The following SPICE1 variants were observed in gnomAD, a reference collection of about 807,000 sequenced individuals.
The protein encoded by SPICE1 is spindle and centriole associated protein 1.
In SPICE1, 75 loss-of-function variants were observed where a neutral mutation model predicts 102.7. The ratio of observed to expected loss-of-function variants is 0.73; its 90% confidence interval spans 0.61 to 0.88. The LOEUF is 0.88. Among genes scored for constraint, SPICE1 ranks in the 40% least tolerant of loss-of-function variants. The pLI is 0.00. For missense variants in SPICE1, 979 were observed against 1,020.1 expected (o/e 0.96, Z 0.55); for synonymous variants, 308 against 350.3 (o/e 0.88, Z 1.35).
At chr3:113,471,226 C>T (rs1439178659) in intron 7 of SPICE1, among the ~76,000 whole-genome samples, 1 of 152,122 alleles carries the variant, frequency 6.6e-6, no homozygotes, top group Non-Finnish European at 1.5e-5. Context: ...GTAGGGGAAG[C>T]CTCTTCAGAT....
At chr3:113,470,126 T>C (rs79148677) in intron 7 of SPICE1, among the ~76,000 whole-genome samples, 2,129 of 152,344 alleles carry the variant, frequency 0.014, 44 homozygotes, top group African/African-American at 0.047. Context: ...CATTTGTCTA[T>C]TTCTCAAAGT....
At chr3:113,465,584 G>A in intron 11 of SPICE1, 69 bp downstream of exon 11, 1 of 1,410,974 alleles carries the variant, frequency 7.1e-7, no homozygotes, top group Non-Finnish European at 9.7e-7. Flanking sequence ...AACTCTAAGA[G>A]AATCCAGTAC....
intron 7 of SPICE1, among the ~76,000 whole-genome samples, chr3:113,470,140 A>C (rs572395385): frequency 6.6e-6 from 1 of 152,352 alleles, no homozygotes; most frequent in African/African-American, 2.4e-5. Context: ...TCAAAGTGCT[A>C]AAGTTACAGC....
At position 113,511,949 on chromosome 3, in the gene SPICE1, C is replaced by T. The variant is rs187380355; in HGVS notation, c.-1+2948G>A. On this transcript the variant is annotated intron_variant, in intron 1 of 17. Coordinates refer to ENST00000295872, the MANE Select transcript of SPICE1 (RefSeq NM_144718.4). ...GGAAAACTTTGCCAGAATTGGGTTACCTCTGTTTGCTTTTATATTTCCCAA... is the reference window on the plus strand; with the variant it reads ...GGAAAACTTTGCCAGAATTGGGTTATCTCTGTTTGCTTTTATATTTCCCAA... Among the ~76,000 whole-genome samples, 10 of 152,250 alleles carry T rather than the reference C, an allele frequency of 6.6e-5. No individual in the cohort carries two copies. The East Asian group carries it at 9.6e-4, about 15-fold the overall frequency.
At chr3:113,510,707 G>C (rs534315778) in intron 1 of SPICE1, among the ~76,000 whole-genome samples, 11 of 152,164 alleles carry the variant, frequency 7.2e-5, no homozygotes, top group African/African-American at 2.7e-4. Flanking sequence ...ATACACACAG[G>C]CAAAGATTTC....
chr3:113,477,118 G>T (rs1352241840), intron 7 of SPICE1, among the ~76,000 whole-genome samples: 4 of 152,008 alleles, frequency 2.6e-5, no homozygotes, highest in African/African-American at 9.7e-5. Context: ...TCAAAAAGTG[G>T]GCAAAGGACA....
intron 2 of SPICE1, among the ~76,000 whole-genome samples, chr3:113,504,571 C>CAAAAAAAAAAAAAAA (rs71633321): frequency 1.3e-4 from 9 of 67,856 alleles, no homozygotes; most frequent in Non-Finnish European, 1.8e-4. Context: ...GACCTTGTCT[C>CAAAAAAAAAAAAAAA]AAAAAAAAAA....
At chr3:113,475,153 C>A (rs1162104146) in intron 7 of SPICE1, among the ~76,000 whole-genome samples, 1 of 152,206 alleles carries the variant, frequency 6.6e-6, no homozygotes. Flanking sequence ...ATACTACAAA[C>A]ACCTCTACGC....
intron 11 of SPICE1, among the ~76,000 whole-genome samples, chr3:113,462,351 G>T (rs1291054199): frequency 1.3e-5 from 2 of 152,320 alleles, no homozygotes; most frequent in Non-Finnish European, 2.9e-5. Context: ...ATCTTCAAGG[G>T]AAATAGTGAT....
At chr3:113,452,099 C>T (rs539500422) in intron 14 of SPICE1, among the ~76,000 whole-genome samples, 1 of 152,114 alleles carries the variant, frequency 6.6e-6, no homozygotes, top group East Asian at 1.9e-4. Context: ...TTTTATAAAC[C>T]CTCCCTAGCT....
At chr3:113,497,688 G>GAA (rs1443331423) in intron 4 of SPICE1, among the ~76,000 whole-genome samples, 1 of 90,322 alleles carries the variant, frequency 1.1e-5, no homozygotes, top group East Asian at 2.8e-4. Context: ...TACATAGAGA[G>GAA]AGAGAGAGAG....
At chr3:113,462,390 T>A (rs1331410304) in intron 11 of SPICE1, among the ~76,000 whole-genome samples, 1 of 152,232 alleles carries the variant, frequency 6.6e-6, no homozygotes, top group Non-Finnish European at 1.5e-5. Flanking sequence ...ACTGGTGAAC[T>A]ATTAGCTCAG....
rs758077048 is a variant in SPICE1, at chr3:113,503,217, G to T, written c.110C>A (p.Thr37Asn). The part of the protein sequence containing the change: ...SVKQEWDNTV[T>N]DLTVHRATPE... ...AGTTGCCCGATGAACGGTTAGATCA[G>T]TCACGGTATTCTGTAAAAAAAGGTG... Residue 37 changes from threonine to asparagine, a missense_variant, in exon 3 of 18, where the codon ACT (threonine) becomes AAT (asparagine). By Grantham distance (65) the Thr-to-Asn change is moderately conservative. Coordinates refer to ENST00000295872, the MANE Select transcript of SPICE1 (RefSeq NM_144718.4). The T allele has an allele frequency of 7.5e-6, 12 of 1,593,654 alleles. No individual in the cohort carries two copies. Among genetic ancestry groups the T allele is most frequent in the Non-Finnish European group, 9.4e-6 (11 of 1,172,978 alleles).
At chr3:113,497,682 T>TAGAG (rs71134894) in intron 4 of SPICE1, among the ~76,000 whole-genome samples, 33 of 136,328 alleles carry the variant, frequency 2.4e-4, no homozygotes, top group Non-Finnish European at 4.0e-4. Context: ...CATACATACA[T>TAGAG]AGAGAGAGAG....
rs1290744364 is a variant in SPICE1, at chr3:113,453,693, T to C, written c.1915A>G (p.Arg639Gly). ...CNSHSNTQQS[R>G]SPTFSEELPV... ...AGCTCTTCTGAGAATGTGGGGCTTCTTGACTGTTGAGTGTTGGAATGGGAA... is the reference window on the plus strand; with the variant it reads ...AGCTCTTCTGAGAATGTGGGGCTTCCTGACTGTTGAGTGTTGGAATGGGAA... The change falls in exon 14 of 18, where the codon AGA becomes GGA. Residue 639 changes from arginine (R) to glycine (G), a missense_variant. By Grantham distance (125) the Arg-to-Gly change is moderately radical. Coordinates refer to ENST00000295872, the MANE Select transcript of SPICE1 (RefSeq NM_144718.4). 1 of 1,614,164 alleles carries C rather than the reference T, an allele frequency of 6.2e-7. No individual in the cohort carries two copies. The highest frequency in any genetic ancestry group is 8.5e-7 in the Non-Finnish European group (1 of 1,180,042).
chr3:113,503,931 T>TAA (rs34217669), intron 2 of SPICE1, among the ~76,000 whole-genome samples: 42 of 95,470 alleles, frequency 4.4e-4, no homozygotes, highest in Admixed American at 6.1e-4. Flanking sequence ...AGTTTCTATC[T>TAA]AAAAAAAAAA....
At chr3:113,497,270 T>A (rs1936912810) in intron 4 of SPICE1, among the ~76,000 whole-genome samples, 1 of 152,220 alleles carries the variant, frequency 6.6e-6, no homozygotes, top group Non-Finnish European at 1.5e-5. Context: ...CCCTACCAGC[T>A]ACCACTTTCC....
intron 11 of SPICE1, among the ~76,000 whole-genome samples, chr3:113,464,993 C>G (rs942741173): frequency 8.6e-5 from 13 of 151,636 alleles, no homozygotes; most frequent in Non-Finnish European, 1.5e-5. Flanking sequence ...GTAGTCCCAG[C>G]GACTTGGGAG....
chr3:113,499,277 C>T (rs1019983745), intron 4 of SPICE1, 162 bp downstream of exon 4: 13 of 662,686 alleles, frequency 2.0e-5, no homozygotes, highest in East Asian at 1.8e-4. Context: ...AAACCAGACT[C>T]CAGTCACCAC....
Sources: gnomAD v4.1 joint callset for allele counts (sites outside exome capture counted in the v4.1 genomes callset) on GRCh38, gnomAD v4.1.1 for gene constraint, MANE v1.5 for transcripts, NCBI Gene and HGNC (gene_info 2026-07-23, HGNC 2026-07-21) for gene names.